Variants in NPSR1 observed in about 807,000 individuals in gnomAD.
NPSR1 encodes the protein neuropeptide S receptor.
In NPSR1, 48 loss-of-function variants were observed where a neutral mutation model predicts 46.9. That is an observed-to-expected ratio of 1.02 (90% CI 0.81 to 1.30). The LOEUF is 1.30. Ranked by LOEUF, NPSR1 falls within the 50% of genes most tolerant of loss-of-function variation. The probability of loss-of-function intolerance (pLI) is 0.00; values close to 1 mark genes in which losing one functional copy is unlikely to be tolerated. For synonymous variants in NPSR1, 176 were observed against 168.1 expected, an observed-to-expected ratio of 1.05 and a Z score of -0.36; for missense variants, 450 against 449.5, an observed-to-expected ratio of 1.00 and a Z score of -0.01.
intron 3 of NPSR1, among the ~76,000 whole-genome samples, chr7:34,809,278 C>T (rs1167455973): frequency 6.6e-6 from 1 of 151,704 alleles, no homozygotes; most frequent in Non-Finnish European, 1.5e-5. Flanking sequence ...TTCTCTTTCT[C>T]TATTTGTCAC....
chr7:34,749,296 T>C (rs539537293), intron 2 of NPSR1, among the ~76,000 whole-genome samples: 1 of 152,290 alleles, frequency 6.6e-6, no homozygotes, highest in South Asian at 2.1e-4. Context: ...AACATTTCTC[T>C]TGATTCTCTA....
chr7:34,878,053 A>C, intron 8 of NPSR1: 1 of 1,488,470 alleles, frequency 6.7e-7, no homozygotes, highest in Non-Finnish European at 9.3e-7. Flanking sequence ...TATACATTTC[A>C]ATAAGCCTTT....
intron 4 of NPSR1, among the ~76,000 whole-genome samples, chr7:34,821,477 A>AACAAT (rs1789559375): frequency 6.6e-6 from 1 of 152,142 alleles, no homozygotes; most frequent in Non-Finnish European, 1.5e-5. Context: ...CGACTTTAGA[A>AACAAT]AGGGTTGAAT....
intron 3 of NPSR1, among the ~76,000 whole-genome samples, chr7:34,781,085 GA>G (rs1475031973): frequency 3.9e-5 from 6 of 152,026 alleles, no homozygotes; most frequent in African/African-American, 1.4e-4. Flanking sequence ...TCATCCTAAG[GA>G]AAAAATAGAG....
chr7:34,831,738 T>C (rs576475374), intron 5 of NPSR1, among the ~76,000 whole-genome samples: 5 of 152,228 alleles, frequency 3.3e-5, no homozygotes, highest in South Asian at 4.1e-4. Context: ...GTAATTGCTT[T>C]ACTTTAGCTG....
Position 34,791,120 on chromosome 7 carries a change from AAT to A in NPSR1, c.384+12562_384+12563del, listed in dbSNP as rs1465870016. ...TTATATATAATATGTTATATAATAT[AAT>A]ATATATGTTATATATTATATATAAT... On this transcript the variant is annotated intron_variant, in intron 3 of 8. Coordinates refer to ENST00000360581, the MANE Select transcript of NPSR1 (RefSeq NM_207172.2). Among the ~76,000 whole-genome samples, 33 of 102,880 alleles carry A rather than the reference AAT, an allele frequency of 3.2e-4. 1 individual carries two copies. The highest frequency in any genetic ancestry group is 6.0e-4 in the South Asian group (2 of 3,358). The allele number at this position is 102,880 out of a possible 152,430, so 67.5% of individuals were successfully genotyped here.
intron 2 of NPSR1, among the ~76,000 whole-genome samples, chr7:34,763,194 T>G (rs1162318061): frequency 2.0e-5 from 3 of 152,222 alleles, no homozygotes; most frequent in Admixed American, 6.5e-5. Flanking sequence ...GCAGAGATCT[T>G]AAAATGCAGG....
At chr7:34,725,097 ACT>A (rs1313265389) in intron 2 of NPSR1, among the ~76,000 whole-genome samples, 4 of 123,602 alleles carry the variant, frequency 3.2e-5, no homozygotes, top group Non-Finnish European at 6.9e-5. Flanking sequence ...ACACACACAG[ACT>A]CACACACACA....
intron 2 of NPSR1, among the ~76,000 whole-genome samples, chr7:34,710,357 A>C (rs541442237): frequency 3.9e-5 from 6 of 152,336 alleles, no homozygotes; most frequent in African/African-American, 1.4e-4. Flanking sequence ...GAGCAGAGGA[A>C]TTATTTTCTG....
chr7:34,785,518 A>C (rs1335076366), intron 3 of NPSR1, among the ~76,000 whole-genome samples: 2 of 126,476 alleles, frequency 1.6e-5, no homozygotes, highest in Admixed American at 1.5e-4. Context: ...GTACCCTAAA[A>C]CTTAAAGTAT....
chr7:34,734,694 A>C (rs1784586652), intron 2 of NPSR1, among the ~76,000 whole-genome samples: 1 of 152,200 alleles, frequency 6.6e-6, no homozygotes, highest in South Asian at 2.1e-4. Context: ...TGGATGTTGA[A>C]ATAGCAGCAT....
chr7:34,663,680 G>A (rs1053978856), intron 1 of NPSR1, among the ~76,000 whole-genome samples: 1 of 152,152 alleles, frequency 6.6e-6, no homozygotes, highest in Admixed American at 6.5e-5. Flanking sequence ...CACCACTGCT[G>A]CGCCATCAAA....
chr7:34,661,898 G>C (rs1327370323), intron 1 of NPSR1, among the ~76,000 whole-genome samples: 1 of 152,132 alleles, frequency 6.6e-6, no homozygotes, highest in Non-Finnish European at 1.5e-5. Context: ...AGGGGAAATG[G>C]GAACCAGCTC....
chr7:34,779,572 GA>G, intron 3 of NPSR1: 3 of 1,262,388 alleles, frequency 2.4e-6, no homozygotes, highest in Admixed American at 3.7e-5. Context: ...TCCATATTCA[GA>G]AAATGAATAT....
At chr7:34,760,872 T>C (rs567231660) in intron 2 of NPSR1, among the ~76,000 whole-genome samples, 1 of 152,298 alleles carries the variant, frequency 6.6e-6, no homozygotes, top group South Asian at 2.1e-4. Context: ...GAATCAGTGA[T>C]TCTTAGACCT....
At chr7:34,693,823 A>G (rs773182325) in intron 2 of NPSR1, among the ~76,000 whole-genome samples, 4 of 152,230 alleles carry the variant, frequency 2.6e-5, no homozygotes, top group Admixed American at 2.6e-4. Context: ...GTTTTATTCC[A>G]TGGATGCAAG....
At chr7:34,795,688 T>A (rs1028951378) in intron 3 of NPSR1, among the ~76,000 whole-genome samples, 1 of 152,142 alleles carries the variant, frequency 6.6e-6, no homozygotes, top group African/African-American at 2.4e-5. Context: ...TAATTAGGTA[T>A]AAATTTAATA....
intron 2 of NPSR1, among the ~76,000 whole-genome samples, chr7:34,696,081 A>T (rs1421999609): frequency 6.8e-6 from 1 of 146,606 alleles, no homozygotes; most frequent in African/African-American, 2.6e-5. Flanking sequence ...GATTTGATAA[A>T]AAAAAAAAAA....
intron 2 of NPSR1, among the ~76,000 whole-genome samples, chr7:34,740,847 C>G (rs974272956): frequency 4.6e-5 from 7 of 152,162 alleles, no homozygotes; most frequent in Non-Finnish European, 1.0e-4. Flanking sequence ...CATTCTGGAG[C>G]AAGAGTTCAT....
Sources: gnomAD v4.1 joint callset for allele counts (sites outside exome capture counted in the v4.1 genomes callset) on GRCh38, gnomAD v4.1.1 for gene constraint, MANE v1.5 for transcripts, NCBI Gene and HGNC (gene_info 2026-07-23, HGNC 2026-07-21) for gene names.